HLA-DRB5: variants seen among roughly 807,000 people sequenced by gnomAD.
HLA-DRB5 encodes the protein major histocompatibility complex, class II, DR beta 5.
HLA-DRB5 carries 11 observed loss-of-function variants against 22.4 expected under a neutral mutation model. The observed-to-expected ratio is 0.49, with a 90% CI of 0.31 to 0.81. HLA-DRB5 has a LOEUF of 0.81. Among genes scored for constraint, HLA-DRB5 ranks in the 40% least tolerant of loss-of-function variants. HLA-DRB5 has a pLI of 0.05. For missense variants in HLA-DRB5, 106 were observed against 274.4 expected (o/e 0.39, Z 4.34); for synonymous variants, 57 against 106.0 (o/e 0.54, Z 2.84).
In HLA-DRB5 at chr6:32,524,901, C is replaced by A. The variant is rs140747264; in HGVS notation, c.101-2727G>T. ...CTGAAATTCAGATTTAACTAGGAAC[C>A]TGTTTGTTATCTGACAACCCTAGCC... On this transcript the variant is annotated intron_variant, in intron 1 of 5. Coordinates refer to ENST00000374975, the MANE Select transcript of HLA-DRB5 (RefSeq NM_002125.4). Among the ~76,000 whole-genome samples, 146 of 29,052 alleles carry A rather than the reference C, an allele frequency of 5.0e-3. 7 individuals carry two copies. The highest frequency in any genetic ancestry group is 6.3e-3 in the Non-Finnish European group (88 of 14,010). 19.1% of individuals were successfully genotyped at this position (29,052 alleles called of 152,430 possible). A position where few individuals can be genotyped will look rare whatever the true frequency, so the allele number is the denominator to read the frequency against.
intron 1 of HLA-DRB5, among the ~76,000 whole-genome samples, chr6:32,523,158 A>G (rs866024912): frequency 0.056 from 1,399 of 25,168 alleles, 17 homozygotes; most frequent in Admixed American, 0.091. Context: ...CCATGATCCC[A>G]TGAATGTCCA....
chr6:32,521,306 A>AGG (rs1768836273), intron 2 of HLA-DRB5, among the ~76,000 whole-genome samples: 1 of 103,758 alleles, frequency 9.6e-6, no homozygotes, highest in Admixed American at 1.1e-4. Context: ...AACAGAAAAA[A>AGG]TAGCAAGAAA....
At chr6:32,527,190 G>A (rs143274520) in intron 1 of HLA-DRB5, among the ~76,000 whole-genome samples, 13,179 of 40,392 alleles carry the variant, frequency 0.33, 4,267 homozygotes, top group Admixed American at 0.37. Flanking sequence ...CCACAGAGTA[G>A]CTAGAATTAG....
At chr6:32,525,960 C>T (rs529763782) in intron 1 of HLA-DRB5, among the ~76,000 whole-genome samples, 773 of 26,838 alleles carry the variant, frequency 0.029, 227 homozygotes, top group East Asian at 0.057. Context: ...ACACAGGGGC[C>T]CTCTAATATT....
chr6:32,519,028 A>G (rs1420476327), intron 3 of HLA-DRB5, among the ~76,000 whole-genome samples: 78 of 84,458 alleles, frequency 9.2e-4, no homozygotes, highest in East Asian at 2.6e-3. Flanking sequence ...TCCTCTTCCC[A>G]GATCACAACA....
rs71549219 is a variant in HLA-DRB5 at position 32,530,128 on chromosome 6, G to T, written c.97C>A (p.Arg33=). Residue 33 remains arginine (R), a synonymous_variant, in exon 1 of 6, where the codon CGA becomes AGA. Transcript: ENST00000374975. ...AGCACCCACAATGTGCACTTACGTCGGGTGTCCCCAGCCAAAGCCAGTGGG... is the reference window on the plus strand; with the variant it reads ...AGCACCCACAATGTGCACTTACGTCTGGTGTCCCCAGCCAAAGCCAGTGGG... ...SSPLALAGDT[R]PRFLQQDKYE... 0.26 allele frequency: 351,812 copies of T among 1,369,704 alleles called. 28,838 individuals carry two copies. The highest frequency in any genetic ancestry group is 0.33 in the African/African-American group (19,973 of 60,032). 84.8% of individuals were successfully genotyped at this position (1,369,704 alleles called of 1,614,324 possible). A position where few individuals can be genotyped will look rare whatever the true frequency, so the allele number is the denominator to read the frequency against.
intron 1 of HLA-DRB5, among the ~76,000 whole-genome samples, chr6:32,529,061 A>T (rs112973817): frequency 0.15 from 19,026 of 130,276 alleles, no homozygotes; most frequent in Admixed American, 0.19. Flanking sequence ...AAACTGGAGG[A>T]AGAGGTAAGC....
intron 2 of HLA-DRB5, among the ~76,000 whole-genome samples, chr6:32,521,137 A>ACC (rs1562430640): frequency 2.3e-5 from 1 of 44,410 alleles, no homozygotes; most frequent in Non-Finnish European, 4.5e-5. Flanking sequence ...GGAAAGTGAG[A>ACC]TAAGTTGTGT....
chr6:32,525,927 T>TG (rs1769559126), intron 1 of HLA-DRB5, among the ~76,000 whole-genome samples: 1 of 30,946 alleles, frequency 3.2e-5, no homozygotes, highest in Non-Finnish European at 6.5e-5. Context: ...CTGTGTGACC[T>TG]CTTCATGAGC....
intron 1 of HLA-DRB5, among the ~76,000 whole-genome samples, chr6:32,525,928 C>G (rs796527006): frequency 4.5e-5 from 2 of 44,170 alleles, no homozygotes; most frequent in Middle Eastern, 0.017. Flanking sequence ...TGTGTGACCT[C>G]TTCATGAGCA....
chr6:32,528,302 G>A (rs1371234863), intron 1 of HLA-DRB5, among the ~76,000 whole-genome samples: 5 of 72,020 alleles, frequency 6.9e-5, no homozygotes, highest in African/African-American at 2.2e-4. Flanking sequence ...TGCTTATTGG[G>A]TTAGTGTCTG....
intron 1 of HLA-DRB5, among the ~76,000 whole-genome samples, chr6:32,528,496 C>A (rs1398786761): frequency 1.5e-3 from 63 of 43,124 alleles, no homozygotes; most frequent in Admixed American, 3.3e-3. Flanking sequence ...CAAGAAGGGG[C>A]TCGAGCTCCA....
intron 2 of HLA-DRB5, 66 bp downstream of exon 2, chr6:32,521,838 CA>C: frequency 1.4e-6 from 1 of 693,818 alleles, no homozygotes. Flanking sequence ...CACACACACA[CA>C]CACACACACA....
At position 32,521,966 on chromosome 6, in the gene HLA-DRB5, CG is replaced by C. The variant is rs780328684; in HGVS notation, c.308del (p.Ala103GlyfsTer26). On this transcript the variant is annotated frameshift_variant, in exon 2 of 6. Coordinates refer to ENST00000374975, the MANE Select transcript of HLA-DRB5 (RefSeq NM_002125.4). LOFTEE classifies it high-confidence loss of function. ...QKDFLEDRRA[A>X]VDTYCRHNYG... ...AGTTGTGTCTGCAGTAGGTGTCCAC[CG>C]CGGCGCGCCTGTCTTCCAGGAAGTC... 139,949 of 1,332,616 alleles carry C rather than the reference CG, an allele frequency of 0.11. 21,245 individuals are homozygous for C. Among genetic ancestry groups the C allele is most frequent in the African/African-American group, 0.14 (8,039 of 59,346 alleles). The allele number at this position is 1,332,616 out of a possible 1,614,324, so 82.5% of individuals were successfully genotyped here. A position where few individuals can be genotyped will look rare whatever the true frequency, so the allele number is the denominator to read the frequency against.
intron 1 of HLA-DRB5, among the ~76,000 whole-genome samples, chr6:32,523,116 G>T (rs547623312): frequency 0.22 from 11,099 of 50,696 alleles, 14 homozygotes; most frequent in Middle Eastern, 0.33. Context: ...AAGACAGTGG[G>T]AAAGTATCAA....
chr6:32,525,706 T>C (rs1364225139), intron 1 of HLA-DRB5, among the ~76,000 whole-genome samples: 594 of 112,432 alleles, frequency 5.3e-3, no homozygotes, highest in South Asian at 0.011. Context: ...TCCAGAGATG[T>C]ACATGTTTTT....
intron 1 of HLA-DRB5, among the ~76,000 whole-genome samples, chr6:32,525,643 C>A: frequency 1.2e-5 from 1 of 85,746 alleles, no homozygotes; most frequent in Non-Finnish European, 2.3e-5. Context: ...AATCTGATTT[C>A]TAGCACCAAA....
chr6:32,518,905 A>G (rs113440750), intron 3 of HLA-DRB5, among the ~76,000 whole-genome samples: 10 of 41,512 alleles, frequency 2.4e-4, no homozygotes, highest in East Asian at 2.1e-3. Flanking sequence ...AACATCTGAT[A>G]AACAGAAAGC....
intron 2 of HLA-DRB5, among the ~76,000 whole-genome samples, chr6:32,519,911 C>T (rs116585903): frequency 0.33 from 23,310 of 70,554 alleles, 2,999 homozygotes; most frequent in Middle Eastern, 0.43. Flanking sequence ...GTTTACAAGT[C>T]TTTGAAAGTA....
Sources: gnomAD v4.1 joint callset for allele counts (sites outside exome capture counted in the v4.1 genomes callset) on GRCh38, gnomAD v4.1.1 for gene constraint, MANE v1.5 for transcripts, NCBI Gene and HGNC (gene_info 2026-07-23, HGNC 2026-07-21) for gene names.